The following LYRM4 variants were observed in gnomAD, a reference collection of about 807,000 sequenced individuals.
LYRM4 encodes LYR motif containing 4, also known as LYR motif-containing protein 4.
LYRM4 carries 9 observed loss-of-function variants against 11.7 expected under a neutral mutation model. That is an observed-to-expected ratio of 0.77 (90% confidence interval 0.46 to 1.34). The LOEUF (loss-of-function observed/expected upper bound fraction) is 1.34. LYRM4 is among the 40% of genes most tolerant of loss of function. LYRM4 has a pLI of 0.00. For missense variants in LYRM4, 133 were observed against 112.5 expected (o/e 1.18, Z -0.82); for synonymous variants, 42 against 40.4 (o/e 1.04, Z -0.15).
the LYRM4 span, among the ~76,000 whole-genome samples, chr6:5,070,920 G>A: frequency 8.6e-5 from 13 of 150,400 alleles, no homozygotes; most frequent in African/African-American, 1.5e-4. Context: ...TGCTGGGTGC[G>A]GTGGCTCACA....
At chr6:5,119,825 C>T (rs1420008702) in intron 2 of LYRM4, among the ~76,000 whole-genome samples, 1 of 146,316 alleles carries the variant, frequency 6.8e-6, no homozygotes, top group African/African-American at 2.6e-5. Context: ...AAAAAACAAC[C>T]ACAAAAAAGG....
At chr6:5,081,264 G>C in the LYRM4 span, among the ~76,000 whole-genome samples, 1 of 152,156 alleles carries the variant, frequency 6.6e-6, no homozygotes, top group Non-Finnish European at 1.5e-5. Context: ...GTCTCCGGGA[G>C]AAAGCTTAGG....
Position 5,243,616 on chromosome 6 carries a change from T to C in LYRM4, c.86+17032A>G, listed in dbSNP as rs184629920. Among the ~76,000 whole-genome samples, 78 of 134,818 alleles carry C rather than the reference T, an allele frequency of 5.8e-4. 2 individuals carry two copies. Among genetic ancestry groups the C allele is most frequent in the Admixed American group, 4.7e-3 (66 of 13,918 alleles). The allele number at this position is 134,818 out of a possible 152,430, so 88.4% of individuals were successfully genotyped here. On this transcript the variant is annotated intron_variant, in intron 1 of 2. Transcript: ENST00000330636. ...ATAATAATTACATGCCTGAAGTATA[T>C]GAAGCGTTTGAGAGACCGTGGGTTA...
chr6:5,174,819 A>T (rs955246277), intron 2 of LYRM4, among the ~76,000 whole-genome samples: 3 of 152,242 alleles, frequency 2.0e-5, no homozygotes, highest in Non-Finnish European at 4.4e-5. Context: ...AAATTCTAAC[A>T]AACGTCGAGA....
intron 2 of LYRM4, chr6:5,136,935 C>G (rs924867502): frequency 3.0e-5 from 20 of 660,394 alleles, no homozygotes; most frequent in Non-Finnish European, 3.2e-5. Context: ...TTACCACAAT[C>G]AATTTTAGAG....
chr6:5,126,543 AAC>A lies in LYRM4; in HGVS notation c.208-17054_208-17053del, dbSNP rs2127607977. ...AAACGTGCACAAAGATGGTCACAGC[AAC>A]ACAATTCACAACCGCCAAGAAGTGA... is the stretch of plus-strand genomic sequence containing the variant. On this transcript the variant is annotated intron_variant, in intron 2 of 2. Transcript: ENST00000330636. 1.3e-5 allele frequency among the ~76,000 whole-genome samples: 2 copies of A among 152,362 alleles called. 1 individual carries two copies. The highest frequency in any genetic ancestry group is 4.1e-4 in the South Asian group (2 of 4,826).
chr6:5,106,685 A>G (rs1413031179), downstream of LYRM4: 10 of 152,276 alleles, frequency 6.6e-5, no homozygotes, highest in Non-Finnish European at 1.3e-4. Context: ...CAGCCAGCCC[A>G]GCCCAGAGCT....
At chr6:5,086,319 G>C in the LYRM4 span, 12 of 1,535,630 alleles carry the variant, frequency 7.8e-6, no homozygotes, top group Admixed American at 2.2e-4. Context: ...AGCAGCCAGA[G>C]GCACCGTCTG....
At chr6:5,038,594 C>T in the LYRM4 span, among the ~76,000 whole-genome samples, 1 of 64,628 alleles carries the variant, frequency 1.5e-5, no homozygotes, top group African/African-American at 4.1e-5. Context: ...AGCCTGGGCA[C>T]CATTGAGCAC....
rs745800251 is a variant in LYRM4 at position 5,215,855 on chromosome 6, G to A, written c.207+763C>T. Among the ~76,000 whole-genome samples, 159 of 152,322 alleles carry A rather than the reference G, an allele frequency of 1.0e-3. 1 individual carries two copies. Among genetic ancestry groups the A allele is most frequent in the Middle Eastern group, 0.01 (3 of 294 alleles). On this transcript the variant is annotated intron_variant, in intron 2 of 2. Transcript: ENST00000330636. Reference sequence around the variant, plus strand: ...AAACACGAATGGAAGCAGAAATGGAGTTTATTGCGTGATTGCTGCTAAGTC... The same window carrying A: ...AAACACGAATGGAAGCAGAAATGGAATTTATTGCGTGATTGCTGCTAAGTC...
chr6:5,095,190 T>A, the LYRM4 span, among the ~76,000 whole-genome samples: 1 of 152,174 alleles, frequency 6.6e-6, no homozygotes. Context: ...GGAGAGGGTG[T>A]GATTCTGGCA....
intron 2 of LYRM4, among the ~76,000 whole-genome samples, chr6:5,164,967 C>CA (rs34814956): frequency 0.77 from 80,643 of 105,038 alleles, 29,959 homozygotes; most frequent in East Asian, 0.85. Context: ...GACTGTGTCT[C>CA]AAAAAAAAAA....
chr6:5,207,072 C>T (rs1030648617), intron 2 of LYRM4, among the ~76,000 whole-genome samples: 17 of 152,198 alleles, frequency 1.1e-4, no homozygotes, highest in African/African-American at 4.1e-4. Flanking sequence ...CAAGGATAGA[C>T]AGCTACTGAG....
At chr6:5,220,425 C>T (rs934664652) in intron 1 of LYRM4, among the ~76,000 whole-genome samples, 1 of 152,210 alleles carries the variant, frequency 6.6e-6, no homozygotes, top group Non-Finnish European at 1.5e-5. Context: ...ATAAACACAT[C>T]TGTGCCTTTT....
chr6:5,245,100 AAAAAAAAAAAAAAATATATATATATAT>A (rs1561898599), intron 1 of LYRM4, among the ~76,000 whole-genome samples: 3 of 50,844 alleles, frequency 5.9e-5, no homozygotes, highest in Non-Finnish European at 1.1e-4. Context: ...AAAAAAAAAA[AAAAAAAAAAAAAAATATATATATATAT>A]ATATATATAT....
intron 1 of LYRM4, among the ~76,000 whole-genome samples, chr6:5,245,677 T>G (rs1764165090): frequency 6.6e-6 from 1 of 152,198 alleles, no homozygotes. Flanking sequence ...TCCTGGAGCC[T>G]GAGGCCAGAG....
At chr6:5,139,901 G>C (rs1324781919) in intron 2 of LYRM4, among the ~76,000 whole-genome samples, 1 of 147,962 alleles carries the variant, frequency 6.8e-6, no homozygotes, top group Non-Finnish European at 1.5e-5. Flanking sequence ...GCAGTGGTGT[G>C]ATCACGGCTC....
At chr6:5,168,635 C>T (rs905319665) in intron 2 of LYRM4, among the ~76,000 whole-genome samples, 1 of 152,040 alleles carries the variant, frequency 6.6e-6, no homozygotes, top group South Asian at 2.1e-4. Context: ...TGACCCTTTA[C>T]TGATCCTGGA....
chr6:5,145,925 C>G (rs1757695114), intron 2 of LYRM4, among the ~76,000 whole-genome samples: 1 of 152,192 alleles, frequency 6.6e-6, no homozygotes, highest in Admixed American at 6.5e-5. Context: ...TCTCTTCCCT[C>G]AGCCGTCAAA....
Sources: allele counts gnomAD v4.1 joint callset (sites outside exome capture counted in the v4.1 genomes callset), GRCh38; gene constraint gnomAD v4.1.1; transcripts MANE v1.5; gene names NCBI Gene and HGNC (gene_info 2026-07-23, HGNC 2026-07-21).